The following LRRC37B variants were observed in gnomAD, a reference collection of about 807,000 sequenced individuals.
The protein encoded by LRRC37B is leucine rich repeat containing 37B, also known as leucine-rich repeat-containing protein 37B.
In LRRC37B, 28 loss-of-function variants were observed where a neutral mutation model predicts 98.3. The ratio of observed to expected loss-of-function variants is 0.28; its 90% CI spans 0.21 to 0.39. LRRC37B has a LOEUF of 0.39. Among genes scored for constraint, LRRC37B ranks in the 10% least tolerant of loss-of-function variants. The pLI is 1.00. For synonymous variants in LRRC37B, 364 were observed against 442.7 expected (o/e 0.82, Z 2.23); for missense variants, 938 against 1,182.7 (o/e 0.79, Z 3.03).
At chr17:32,053,362 A>G (rs17182434) in exon 12 of LRRC37B, 197,943 of 1,523,464 alleles carry the variant, frequency 0.13, 14,186 homozygotes, top group Middle Eastern at 0.18. Context: ...GCCTGGAGCT[A>G]TGTTTTTAAA....
chr17:32,029,294 G>A (rs1911048183), intron 3 of LRRC37B, among the ~76,000 whole-genome samples: 1 of 152,100 alleles, frequency 6.6e-6, no homozygotes, highest in Non-Finnish European at 1.5e-5. Context: ...CACTGCGCCC[G>A]GCCAGCTATT....
chr17:32,011,054 TG>T (rs1331111622), intron 1 of LRRC37B, among the ~76,000 whole-genome samples: 1 of 151,824 alleles, frequency 6.6e-6, no homozygotes, highest in Non-Finnish European at 1.5e-5. Flanking sequence ...TGGAGTGCAG[TG>T]GCACAATCTC....
chr17:32,028,791 GGT>G (rs1287269063), intron 3 of LRRC37B: 1 of 119,326 alleles, frequency 8.4e-6, no homozygotes, highest in Non-Finnish European at 1.7e-5. Flanking sequence ...TGTCCGCAGA[GGT>G]GTGTATGTCA....
chr17:32,037,918 T>G (rs139561153), intron 7 of LRRC37B, among the ~76,000 whole-genome samples: 3 of 151,964 alleles, frequency 2.0e-5, no homozygotes, highest in East Asian at 3.9e-4. Context: ...CCATCCTGGC[T>G]AACACAGTGA....
chr17:32,039,773 A>G (rs1157864521), intron 7 of LRRC37B, among the ~76,000 whole-genome samples: 1 of 151,084 alleles, frequency 6.6e-6, no homozygotes, highest in Non-Finnish European at 1.5e-5. Context: ...AGGGCCCTTC[A>G]TTTGGCACTC....
intron 5 of LRRC37B, among the ~76,000 whole-genome samples, chr17:32,034,318 A>G (rs932633153): frequency 2.0e-5 from 3 of 152,040 alleles, no homozygotes; most frequent in African/African-American, 7.3e-5. Context: ...CCTGTCCAAC[A>G]TGATGAAACT....
chr17:32,020,160 A>AC (rs1386614159), upstream of LRRC37B, among the ~76,000 whole-genome samples: 3 of 152,040 alleles, frequency 2.0e-5, no homozygotes, highest in Non-Finnish European at 4.4e-5. Context: ...CAATTTTAAA[A>AC]CCATCACTAT....
intron 7 of LRRC37B, among the ~76,000 whole-genome samples, chr17:32,044,194 G>T (rs1911516705): frequency 6.6e-6 from 1 of 151,408 alleles, no homozygotes; most frequent in African/African-American, 2.4e-5. Context: ...CTGCCCCCAA[G>T]AAGCCATAAC....
upstream of LRRC37B, among the ~76,000 whole-genome samples, chr17:32,007,552 A>G (rs942274375): frequency 1.1e-3 from 132 of 119,400 alleles, 2 homozygotes; most frequent in Middle Eastern, 0.012. The surrounding 1 kb of genome is among the most constrained non-coding windows in gnomAD (Gnocchi z 4.1). Context: ...CACCGCCGCC[A>G]CTGCGCCCGG....
At chr17:32,027,336 C>T (rs1477842874) in intron 2 of LRRC37B, among the ~76,000 whole-genome samples, 8 of 147,916 alleles carry the variant, frequency 5.4e-5, no homozygotes, top group Non-Finnish European at 1.0e-4. Context: ...TGTGCTTGCA[C>T]GTGTGTGCTT....
intron 2 of LRRC37B, among the ~76,000 whole-genome samples, chr17:32,026,648 C>T (rs891924714): frequency 6.6e-6 from 1 of 152,114 alleles, no homozygotes; most frequent in Non-Finnish European, 1.5e-5. Context: ...GGGCTGGTCT[C>T]GAACTCATGA....
At chr17:32,039,543 TTTCTATATATATA>T (rs563357488) in intron 7 of LRRC37B, among the ~76,000 whole-genome samples, 2,894 of 122,142 alleles carry the variant, frequency 0.024, 211 homozygotes, top group African/African-American at 0.09. Flanking sequence ...TTTATATATA[TTTCTATATATATA>T]TTCTATATAT....
At chr17:32,041,510 C>T (rs773352797) in intron 7 of LRRC37B, 9 of 564,274 alleles carry the variant, frequency 1.6e-5, no homozygotes, top group Admixed American at 6.4e-5. Context: ...TGGACGTGCT[C>T]ATGCCTCTGC....
chr17:32,049,879 A>G (rs1041087119), intron 10 of LRRC37B, 124 bp from the exon 14 acceptor site: 1 of 584,238 alleles, frequency 1.7e-6, no homozygotes, highest in Admixed American at 3.3e-5. Flanking sequence ...AAAAAAATAA[A>G]AAGAACAAAA....
upstream of LRRC37B, among the ~76,000 whole-genome samples, chr17:32,019,277 TA>T (rs1910712275): frequency 6.6e-6 from 1 of 152,238 alleles, no homozygotes; most frequent in Admixed American, 6.5e-5. Flanking sequence ...TCCATGTTTA[TA>T]TACACAAATA....
intron 3 of LRRC37B, among the ~76,000 whole-genome samples, chr17:32,029,668 C>T (rs976872224): frequency 5.3e-5 from 8 of 151,922 alleles, no homozygotes; most frequent in Non-Finnish European, 1.5e-5. Flanking sequence ...GGAAAGTATT[C>T]GAGGAATGCC....
At chr17:32,047,779 G>A in exon 9 of LRRC37B, 1 of 1,613,988 alleles carries the variant, frequency 6.2e-7, no homozygotes, top group Middle Eastern at 1.7e-4. Flanking sequence ...GCATCTGTAG[G>A]GAATCCAGAA....
chr17:32,048,044 A>C, intron 9 of LRRC37B, 143 bp downstream of exon 12: 1 of 1,405,846 alleles, frequency 7.1e-7, no homozygotes, highest in Admixed American at 1.7e-5. Context: ...TACAAGATGG[A>C]GATAGGCTCC....
At chr17:32,052,578 A>G (rs1598216876) in intron 11 of LRRC37B, 2 of 152,342 alleles carry the variant, frequency 1.3e-5, no homozygotes, top group Admixed American at 6.5e-5. Flanking sequence ...ATTCAACTAG[A>G]TAAGGCTGAA....
Sources: allele counts gnomAD v4.1 joint callset (sites outside exome capture counted in the v4.1 genomes callset), GRCh38; gene constraint gnomAD v4.1.1; non-coding constraint Gnocchi (gnomAD v3.1); transcripts MANE v1.5; gene names NCBI Gene and HGNC (gene_info 2026-07-23, HGNC 2026-07-21).